BRI3BP: variants seen among roughly 807,000 people sequenced by gnomAD.
BRI3BP encodes BRI3 binding protein, also known as BRI3-binding protein.
In BRI3BP, 7 loss-of-function variants were observed where a neutral mutation model predicts 15.8. The observed-to-expected ratio is 0.44, with a 90% CI of 0.25 to 0.83. The LOEUF is 0.83. Ranked by LOEUF, BRI3BP falls within the 40% of genes least tolerant of loss-of-function variation. BRI3BP has a pLI of 0.20. For synonymous variants in BRI3BP, 192 were observed against 163.5 expected (o/e 1.17, Z -1.33); for missense variants, 320 against 339.3 (o/e 0.94, Z 0.45).
the BRI3BP span, among the ~76,000 whole-genome samples, chr12:125,050,042 T>C: frequency 3.3e-5 from 5 of 152,150 alleles, no homozygotes; most frequent in Non-Finnish European, 7.4e-5. Context: ...TTCAGACTCT[T>C]GCGTGACACA....
intron 1 of BRI3BP, among the ~76,000 whole-genome samples, chr12:124,999,299 C>T (rs539981446): frequency 2.4e-4 from 37 of 152,288 alleles, no homozygotes; most frequent in South Asian, 2.3e-3. Context: ...CCACTACCGA[C>T]CCGTCTACCA....
chr12:125,016,355 G>GTT (rs55938703), intron 2 of BRI3BP, among the ~76,000 whole-genome samples: 35,937 of 142,956 alleles, frequency 0.25, 4,551 homozygotes, highest in East Asian at 0.28. Flanking sequence ...TTTCTTCAGT[G>GTT]TTTTTTTTTT....
the BRI3BP span, among the ~76,000 whole-genome samples, chr12:125,044,411 A>C: frequency 6.7e-6 from 1 of 150,282 alleles, no homozygotes; most frequent in East Asian, 1.9e-4. Context: ...AGCCTCCCAA[A>C]GTGCTGAGAT....
intron 2 of BRI3BP, among the ~76,000 whole-genome samples, chr12:125,014,859 C>T (rs976712984): frequency 2.0e-5 from 3 of 152,130 alleles, no homozygotes; most frequent in Non-Finnish European, 4.4e-5. Context: ...GCCTCAACTT[C>T]CTGGGCTCGT....
intron 1 of BRI3BP, among the ~76,000 whole-genome samples, chr12:125,009,280 C>T (rs1662529835): frequency 7.9e-6 from 1 of 127,060 alleles, no homozygotes; most frequent in Non-Finnish European, 1.7e-5. Context: ...CGCACCCAGC[C>T]ATCTTTTTTT....
chr12:125,019,635 C>CTTTTTTTTTTTTTTTT (rs1205730966), intron 2 of BRI3BP, among the ~76,000 whole-genome samples: 4 of 33,056 alleles, frequency 1.2e-4, no homozygotes, highest in African/African-American at 1.7e-4. Context: ...TAATTCCACC[C>CTTTTTTTTTTTTTTTT]TTTTTTTTTT....
At chr12:125,001,213 C>A (rs984119675) in intron 1 of BRI3BP, among the ~76,000 whole-genome samples, 2 of 150,950 alleles carry the variant, frequency 1.3e-5, no homozygotes, top group Admixed American at 6.8e-5. Context: ...CGCCATCACG[C>A]CCGGCTAATT....
the BRI3BP span, among the ~76,000 whole-genome samples, chr12:125,036,446 A>G: frequency 2.0e-5 from 3 of 151,576 alleles, no homozygotes; most frequent in African/African-American, 7.3e-5. Flanking sequence ...GGTGATCTAT[A>G]TTTTTTATTT....
At chr12:125,014,829 C>T (rs1391091195) in intron 2 of BRI3BP, among the ~76,000 whole-genome samples, 6 of 152,078 alleles carry the variant, frequency 3.9e-5, no homozygotes, top group African/African-American at 1.2e-4. Context: ...AGTGCAGTGG[C>T]TCAATCACAG....
At chr12:124,995,768 A>G (rs951358034) in intron 1 of BRI3BP, among the ~76,000 whole-genome samples, 2 of 152,212 alleles carry the variant, frequency 1.3e-5, no homozygotes, top group Non-Finnish European at 2.9e-5. Flanking sequence ...GGCTGGTTTC[A>G]GGTCAGATGA....
chr12:125,043,970 A>C, the BRI3BP span, among the ~76,000 whole-genome samples: 1 of 151,230 alleles, frequency 6.6e-6, no homozygotes, highest in African/African-American at 2.4e-5. Context: ...GGCTGCAGTG[A>C]GCTGTGATCA....
chr12:125,034,801 A>G (rs182355614), downstream of BRI3BP, among the ~76,000 whole-genome samples: 3,900 of 151,998 alleles, frequency 0.026, 158 homozygotes, highest in African/African-American at 0.084. Context: ...TATTGGCCAG[A>G]CTAGTCTCGA....
intron 1 of BRI3BP, among the ~76,000 whole-genome samples, chr12:124,999,548 C>T (rs2135986611): frequency 6.6e-6 from 1 of 152,082 alleles, no homozygotes; most frequent in East Asian, 1.9e-4. Context: ...ATCAGCCTCT[C>T]AAGTAGCTGG....
At position 125,023,787 on chromosome 12, in the gene BRI3BP, C is replaced by T. The variant is rs532927959; in HGVS notation, c.317-1204C>T. On this transcript the variant is annotated intron_variant, in intron 2 of 2. Transcript: ENST00000341446. ...TTTCACACTGCTATCAAAACATACC[C>T]GAGGCCAGGCGCAGTGGCTCACACT... 2.0e-5 allele frequency among the ~76,000 whole-genome samples: 3 copies of T among 152,246 alleles called. 1 individual carries two copies. Among genetic ancestry groups the T allele is most frequent in the African/African-American group, 4.8e-5 (2 of 41,560 alleles).
intron 2 of BRI3BP, among the ~76,000 whole-genome samples, chr12:125,013,230 T>G (rs139473602): frequency 5.3e-5 from 8 of 152,298 alleles, no homozygotes; most frequent in Admixed American, 5.2e-4. Context: ...CTTACTGGCA[T>G]CCGTGCAAGA....
intron 1 of BRI3BP, among the ~76,000 whole-genome samples, chr12:124,997,971 A>C (rs1955054345): frequency 6.6e-6 from 1 of 152,172 alleles, no homozygotes; most frequent in Admixed American, 6.6e-5. Flanking sequence ...CCAAATACAA[A>C]AAATTAGCCA....
intron 2 of BRI3BP, among the ~76,000 whole-genome samples, chr12:125,024,572 G>A (rs949801121): frequency 3.9e-5 from 6 of 152,166 alleles, no homozygotes; most frequent in Non-Finnish European, 8.8e-5. Flanking sequence ...GGCCGAGGCA[G>A]GTGGATCACC....
chr12:124,995,497 C>T (rs892114610), intron 1 of BRI3BP, among the ~76,000 whole-genome samples: 2 of 152,166 alleles, frequency 1.3e-5, no homozygotes, highest in African/African-American at 4.8e-5. Flanking sequence ...CTAAGGCCAA[C>T]AAACATGAAA....
chr12:125,019,419 T>G (rs1955274128), intron 2 of BRI3BP, among the ~76,000 whole-genome samples: 1 of 152,032 alleles, frequency 6.6e-6, no homozygotes, highest in African/African-American at 2.4e-5. Context: ...GACACGATGC[T>G]TCTCAAAGTA....
Sources: allele counts gnomAD v4.1 joint callset (sites outside exome capture counted in the v4.1 genomes callset), GRCh38; gene constraint gnomAD v4.1.1; transcripts MANE v1.5; gene names NCBI Gene and HGNC (gene_info 2026-07-23, HGNC 2026-07-21).